Variants in STPG4 observed in about 807,000 individuals in gnomAD.
STPG4 encodes the protein sperm-tail PG-rich repeat containing 4, also known as protein STPG4.
A neutral mutation model predicts 31.5 loss-of-function variants in STPG4; 41 were observed. The ratio of observed to expected loss-of-function variants is 1.30; its 90% CI spans 1.01 to 1.69. The LOEUF is 1.69. STPG4 is among the 40% of genes most tolerant of loss of function. The probability of loss-of-function intolerance (pLI) is 0.00; values close to 1 mark genes in which losing one functional copy is unlikely to be tolerated. For synonymous variants in STPG4, 141 were observed against 103.0 expected (o/e 1.37, Z -2.24); for missense variants, 375 against 293.4 (o/e 1.28, Z -2.03).
chr2:47,115,731 C>G (rs1324378654), intron 5 of STPG4, among the ~76,000 whole-genome samples: 1 of 147,426 alleles, frequency 6.8e-6, no homozygotes, highest in African/African-American at 2.5e-5. Context: ...CGGCTCACTG[C>G]AACCTCTGCC....
At chr2:47,093,977 G>A (rs571366556) in intron 5 of STPG4, among the ~76,000 whole-genome samples, 85 of 152,306 alleles carry the variant, frequency 5.6e-4, no homozygotes, top group African/African-American at 1.9e-3. Context: ...CAGATGGCTC[G>A]GGATGTGCCA....
At chr2:47,139,510 G>T (rs970839018) in intron 3 of STPG4, among the ~76,000 whole-genome samples, 18 of 150,264 alleles carry the variant, frequency 1.2e-4, no homozygotes, top group Non-Finnish European at 2.5e-4. Context: ...TAAGCCTGTT[G>T]ATCTGGTCCC....
intron 3 of STPG4, among the ~76,000 whole-genome samples, chr2:47,131,171 C>T (rs1370671315): frequency 1.3e-5 from 2 of 151,500 alleles, no homozygotes; most frequent in East Asian, 1.9e-4. Context: ...CTGTTGCCCA[C>T]GGTGGAGTGC....
chr2:47,131,292 A>G (rs576013033), intron 3 of STPG4, among the ~76,000 whole-genome samples: 1 of 151,256 alleles, frequency 6.6e-6, no homozygotes, highest in Admixed American at 6.6e-5. Flanking sequence ...ATACCTGGCT[A>G]ATTTTCTTGG....
At chr2:47,102,662 A>T (rs1246929908) in intron 5 of STPG4, among the ~76,000 whole-genome samples, 3 of 151,756 alleles carry the variant, frequency 2.0e-5, no homozygotes, top group Non-Finnish European at 4.4e-5. Flanking sequence ...CTTCCTATTA[A>T]TGATAATCCT....
At chr2:47,124,859 G>A (rs1260784760) in intron 5 of STPG4, among the ~76,000 whole-genome samples, 1 of 152,110 alleles carries the variant, frequency 6.6e-6, no homozygotes, top group Non-Finnish European at 1.5e-5. Flanking sequence ...GTTCTTCGTG[G>A]TGGCTGTACT....
intron 5 of STPG4, among the ~76,000 whole-genome samples, chr2:47,109,998 G>A (rs894503267): frequency 6.9e-6 from 1 of 144,836 alleles, no homozygotes; most frequent in Non-Finnish European, 1.5e-5. Context: ...TTATAGGCCT[G>A]TCAGGTTTTA....
At chr2:47,122,211 T>C (rs1051778376) in intron 5 of STPG4, among the ~76,000 whole-genome samples, 3 of 152,350 alleles carry the variant, frequency 2.0e-5, no homozygotes, top group African/African-American at 7.2e-5. Flanking sequence ...TAGATTGTTA[T>C]GATAATTTTA....
At chr2:47,087,257 G>T in intron 6 of STPG4, 127 bp from the exon 7 acceptor site, 1 of 1,090,500 alleles carries the variant, frequency 9.2e-7, no homozygotes, top group African/African-American at 1.6e-5. Context: ...GGCCACACCA[G>T]CCTGGGCTGA....
At chr2:47,097,827 G>A (rs560395934) in intron 5 of STPG4, among the ~76,000 whole-genome samples, 7 of 152,204 alleles carry the variant, frequency 4.6e-5, no homozygotes, top group African/African-American at 1.7e-4. Flanking sequence ...GTCAAAAAAT[G>A]CACTGAGGGG....
rs1685484947 is a variant in STPG4 at position 47,087,775 on chromosome 2, G to C, written c.625-645C>G. 2.6e-5 allele frequency among the ~76,000 whole-genome samples: 4 copies of C among 152,094 alleles called. No individual in the cohort carries two copies. In the South Asian group the frequency reaches 8.3e-4, roughly 32 times the overall value. On this transcript the variant is annotated intron_variant, in intron 6 of 6. Coordinates refer to ENST00000445927, the MANE Select transcript of STPG4 (RefSeq NM_001163561.2). ...TATTTATATATTTTTTTGAGACAGA[G>C]TCTCGCCCTGTTGCTAGGCTGGAGT...
intron 5 of STPG4, among the ~76,000 whole-genome samples, chr2:47,111,136 T>G (rs1686028289): frequency 1.3e-5 from 2 of 152,158 alleles, no homozygotes; most frequent in Admixed American, 6.5e-5. Context: ...TTTCAAAGAG[T>G]TGTATTAATG....
Position 47,087,087 on chromosome 2 carries a change from G to C in STPG4, c.668C>G (p.Pro223Arg), listed in dbSNP as rs1573137591. Residue 223 changes from proline (P) to arginine (R), a missense_variant, in exon 7 of 7, where the codon CCT becomes CGT. Transcript: ENST00000445927. ...PGAYTTLRQFPKQSPTIAKMG... is the reference protein window; with the variant it reads ...PGAYTTLRQFRKQSPTIAKMG... ...TTTGGCTATGGTCGGAGACTGCTTA[G>C]GGAATTGTCTTAAAGTTGTATATGC... is the stretch of plus-strand genomic sequence containing the variant. 6.4e-7 allele frequency: 1 copy of C among 1,551,778 alleles called. No individual in the cohort carries two copies. The highest frequency in any genetic ancestry group is 8.7e-7 in the Non-Finnish European group (1 of 1,146,994).
At chr2:47,140,894 C>T (rs1377672215) in intron 3 of STPG4, among the ~76,000 whole-genome samples, 2 of 147,920 alleles carry the variant, frequency 1.4e-5, no homozygotes, top group Admixed American at 6.7e-5. Context: ...TTTCCAGGTA[C>T]TTTTTTTTTT....
chr2:47,107,892 T>C (rs1685952900), intron 5 of STPG4, among the ~76,000 whole-genome samples: 1 of 152,126 alleles, frequency 6.6e-6, no homozygotes, highest in Non-Finnish European at 1.5e-5. Context: ...ATCCACACTC[T>C]GTATCTAGCT....
At chr2:47,147,642 G>C (rs988993887) in intron 3 of STPG4, among the ~76,000 whole-genome samples, 3 of 152,110 alleles carry the variant, frequency 2.0e-5, no homozygotes, top group Non-Finnish European at 4.4e-5. Context: ...TGTGTGTGTT[G>C]AAATTATGAT....
chr2:47,130,671 C>T (rs558780518), intron 3 of STPG4, among the ~76,000 whole-genome samples: 6 of 152,116 alleles, frequency 3.9e-5, no homozygotes, highest in East Asian at 1.9e-4. Flanking sequence ...CACACCACCA[C>T]GCCCAGCTAA....
Position 47,129,939 on chromosome 2 carries a change from ACG to A in STPG4, c.519_519+1del. On this transcript the variant is annotated splice_donor_variant and coding_sequence_variant, in exon 5 of 7. Coordinates refer to ENST00000445927, the MANE Select transcript of STPG4 (RefSeq NM_001163561.2). LOFTEE classifies it high-confidence loss of function. ...TGAGTTAACTGTCTACATTATACTT[ACG>A]GGAATAAAATAGGTTGTTGGGAATC... The A allele has an allele frequency of 6.2e-7, 1 of 1,611,902 alleles. No individual in the cohort carries two copies. Among genetic ancestry groups the A allele is most frequent in the Non-Finnish European group, 8.5e-7 (1 of 1,178,680 alleles).
chr2:47,141,560 A>C (rs1422619696), intron 3 of STPG4, among the ~76,000 whole-genome samples: 2 of 80,182 alleles, frequency 2.5e-5, no homozygotes, highest in Non-Finnish European at 5.9e-5. Flanking sequence ...CCTGCCTCAA[A>C]AAAAAAAAAA....
Sources: allele counts gnomAD v4.1 joint callset (sites outside exome capture counted in the v4.1 genomes callset), GRCh38; gene constraint gnomAD v4.1.1; transcripts MANE v1.5; gene names NCBI Gene and HGNC (gene_info 2026-07-23, HGNC 2026-07-21).